The following TTC28 variants were observed in gnomAD, a reference collection of about 807,000 sequenced individuals.
TTC28 encodes the protein tetratricopeptide repeat domain 28, also known as tetratricopeptide repeat protein 28.
A neutral mutation model predicts 198.0 loss-of-function variants in TTC28; 61 were observed. The ratio of observed to expected loss-of-function variants is 0.31; its 90% CI spans 0.25 to 0.38. The LOEUF (loss-of-function observed/expected upper bound fraction) is 0.38, where lower values mean the gene tolerates loss of function less well. Ranked by LOEUF, TTC28 falls within the 10% of genes least tolerant of loss-of-function variation. The pLI is 1.00. For synonymous variants in TTC28, 1,171 were observed against 1,297.8 expected (o/e 0.90, Z 2.10); for missense variants, 2,678 against 3,164.0 (o/e 0.85, Z 3.69).
At chr22:28,585,977 TAA>T (rs892582692) in intron 2 of TTC28, among the ~76,000 whole-genome samples, 6 of 141,500 alleles carry the variant, frequency 4.2e-5, no homozygotes, top group African/African-American at 5.2e-5. Context: ...AAGGTACAAT[TAA>T]AAAAAAAAAA....
At chr22:28,614,316 C>T (rs2050866617) in intron 2 of TTC28, among the ~76,000 whole-genome samples, 3 of 152,204 alleles carry the variant, frequency 2.0e-5, no homozygotes, top group African/African-American at 4.8e-5. Flanking sequence ...AATGGAAAAA[C>T]ATTCCATGCT....
At chr22:28,219,571 C>T (rs1014697798) in intron 5 of TTC28, among the ~76,000 whole-genome samples, 1 of 151,730 alleles carries the variant, frequency 6.6e-6, no homozygotes, top group Non-Finnish European at 1.5e-5. Context: ...ATAGGAGATG[C>T]AAAACAAGTA....
chr22:28,328,186 T>C (rs1331188026), intron 2 of TTC28, among the ~76,000 whole-genome samples: 2 of 152,116 alleles, frequency 1.3e-5, no homozygotes, highest in African/African-American at 4.8e-5. Flanking sequence ...AATCCCAGCA[T>C]TTGGTGAAGC....
At chr22:27,993,569 A>C in intron 17 of TTC28, 51 bp from the exon 18 acceptor site, 2 of 1,484,888 alleles carry the variant, frequency 1.3e-6, no homozygotes, top group Non-Finnish European at 1.8e-6. Context: ...CCTGGTTTCC[A>C]TCCGCATGGC....
chr22:28,294,579 T>TC (rs921002729), intron 5 of TTC28, among the ~76,000 whole-genome samples: 24 of 151,796 alleles, frequency 1.6e-4, no homozygotes, highest in African/African-American at 5.6e-4. Flanking sequence ...TTTTTTTCTT[T>TC]CCCCCCCAAG....
chr22:28,411,879 C>T (rs1007777383), intron 2 of TTC28, among the ~76,000 whole-genome samples: 1 of 152,144 alleles, frequency 6.6e-6, no homozygotes, highest in African/African-American at 2.4e-5. Context: ...CATACAGGTT[C>T]GAGGATCCTG....
chr22:28,553,156 G>A (rs1174201740), intron 2 of TTC28, among the ~76,000 whole-genome samples: 3 of 152,128 alleles, frequency 2.0e-5, no homozygotes, highest in East Asian at 3.9e-4. Flanking sequence ...CCTCCCAGCC[G>A]CCTGCCTTGG....
chr22:28,088,704 A>C (rs533008994), intron 12 of TTC28, among the ~76,000 whole-genome samples: 1 of 152,362 alleles, frequency 6.6e-6, no homozygotes, highest in South Asian at 2.1e-4. Flanking sequence ...AGCAAAGGAA[A>C]CTACCATCAG....
chr22:28,605,633 G>C lies in TTC28; in HGVS notation c.381+23919C>G, dbSNP rs1051139839. On this transcript the variant is annotated intron_variant, in intron 2 of 22. Transcript: ENST00000397906. ...AGAAGTAACTGCACTTCCCCTGCTA[G>C]AACCACCAAACAAGGGCTAATCTCA... Among the ~76,000 whole-genome samples, 28 of 152,276 alleles carry C rather than the reference G, an allele frequency of 1.8e-4. 1 individual carries two copies. Among genetic ancestry groups the C allele is most frequent in the Admixed American group, 1.7e-3 (26 of 15,292 alleles).
intron 2 of TTC28, among the ~76,000 whole-genome samples, chr22:28,386,835 GT>G (rs2046608599): frequency 6.6e-6 from 1 of 150,430 alleles, no homozygotes; most frequent in African/African-American, 2.4e-5. Flanking sequence ...TTTTTGTTTT[GT>G]TTTGTTTTAA....
At chr22:28,312,404 A>G (rs1159039524) in intron 2 of TTC28, among the ~76,000 whole-genome samples, 6 of 152,202 alleles carry the variant, frequency 3.9e-5, no homozygotes, top group South Asian at 2.1e-4. Flanking sequence ...TCAACAGAAT[A>G]TACATTCTTC....
chr22:28,365,232 C>T (rs2046228683), intron 2 of TTC28, among the ~76,000 whole-genome samples: 2 of 152,202 alleles, frequency 1.3e-5, no homozygotes, highest in Admixed American at 6.5e-5. Flanking sequence ...AAGGCATATA[C>T]ATTGTTTTTT....
At chr22:28,438,353 C>T (rs1333598695) in intron 2 of TTC28, among the ~76,000 whole-genome samples, 1 of 152,158 alleles carries the variant, frequency 6.6e-6, no homozygotes, top group Non-Finnish European at 1.5e-5. Flanking sequence ...TTCTAAGACA[C>T]AAATCTACAG....
At chr22:28,659,300 GC>G (rs1341511027) in intron 1 of TTC28, among the ~76,000 whole-genome samples, 1 of 152,080 alleles carries the variant, frequency 6.6e-6, no homozygotes, top group African/African-American at 2.4e-5. Flanking sequence ...ACAGAGTCTT[GC>G]TGTGTTGCCC....
At chr22:28,392,710 G>A (rs1490910927) in intron 2 of TTC28, among the ~76,000 whole-genome samples, 36 of 152,178 alleles carry the variant, frequency 2.4e-4, no homozygotes, top group East Asian at 1.9e-4. Context: ...CTCACGCATG[G>A]TGCGCGCACC....
intron 2 of TTC28, among the ~76,000 whole-genome samples, chr22:28,541,334 C>T (rs2049406824): frequency 6.6e-6 from 1 of 152,098 alleles, no homozygotes; most frequent in African/African-American, 2.4e-5. Context: ...AAGAGAAATC[C>T]AAAACAAAGC....
At chr22:28,332,093 T>C (rs770898571) in intron 2 of TTC28, among the ~76,000 whole-genome samples, 19 of 152,098 alleles carry the variant, frequency 1.2e-4, no homozygotes, top group Admixed American at 6.6e-4. Context: ...TCATTTCAAA[T>C]GGTTTTAGAG....
chr22:28,030,461 G>A (rs1354508346), intron 12 of TTC28, 95 bp from the exon 13 acceptor site: 5 of 1,463,054 alleles, frequency 3.4e-6, no homozygotes, highest in Non-Finnish European at 3.7e-6. Flanking sequence ...GTCACCAAAC[G>A]AACCTCTAGT....
intron 2 of TTC28, among the ~76,000 whole-genome samples, chr22:28,345,789 G>A (rs972524892): frequency 1.3e-5 from 2 of 152,152 alleles, no homozygotes; most frequent in Non-Finnish European, 2.9e-5. Context: ...GGCTTGAAGG[G>A]AGCTTGAACA....
Sources: gnomAD v4.1 joint callset for allele counts (sites outside exome capture counted in the v4.1 genomes callset) on GRCh38, gnomAD v4.1.1 for gene constraint, MANE v1.5 for transcripts, NCBI Gene and HGNC (gene_info 2026-07-23, HGNC 2026-07-21) for gene names.